BRD10: variants seen among roughly 807,000 people sequenced by gnomAD.
BRD10 encodes uncharacterized bromodomain-containing protein 10.
At chr9:5,880,907 G>A in the BRD10 span, among the ~76,000 whole-genome samples, 1 of 151,980 alleles carries the variant, frequency 6.6e-6, no homozygotes, top group Non-Finnish European at 1.5e-5. Context: ...GTTTCATCAT[G>A]TTGACCAGGC....
At chr9:5,922,313 G>A in the BRD10 span, 1 of 1,613,966 alleles carries the variant, frequency 6.2e-7, no homozygotes, top group East Asian at 2.2e-5. Context: ...GGAGGAAATG[G>A]TCGGTGAAGC....
the BRD10 span, among the ~76,000 whole-genome samples, chr9:5,934,385 G>T: frequency 7.1e-6 from 1 of 139,900 alleles, no homozygotes; most frequent in African/African-American, 2.7e-5. Context: ...TGGAGACAGG[G>T]TCTTGCTCTG....
At chr9:5,897,924 T>C in the BRD10 span, among the ~76,000 whole-genome samples, 2 of 152,204 alleles carry the variant, frequency 1.3e-5, no homozygotes, top group Admixed American at 1.3e-4. Context: ...ATGAAATTCA[T>C]TTGGTTTACA....
chr9:5,939,484 C>T, the BRD10 span, among the ~76,000 whole-genome samples: 2 of 152,146 alleles, frequency 1.3e-5, no homozygotes, highest in African/African-American at 4.8e-5. Context: ...CTTTCTTAAT[C>T]ATCGATGGAA....
At chr9:5,892,196 C>CT in the BRD10 span, among the ~76,000 whole-genome samples, 1 of 152,092 alleles carries the variant, frequency 6.6e-6, no homozygotes, top group East Asian at 1.9e-4. Context: ...ACTTGCAAGT[C>CT]TTTTTTGCTT....
the BRD10 span, among the ~76,000 whole-genome samples, chr9:5,908,217 T>C: frequency 0.19 from 29,633 of 152,204 alleles, 3,084 homozygotes; most frequent in Middle Eastern, 0.31. Flanking sequence ...AATGAAGCCC[T>C]GACACATTTG....
At chr9:5,990,019 T>C in the BRD10 span, among the ~76,000 whole-genome samples, 13 of 152,242 alleles carry the variant, frequency 8.5e-5, no homozygotes, top group Non-Finnish European at 1.5e-5. Flanking sequence ...TTTTCTCTGT[T>C]ATACGGTGAT....
chr9:5,920,875 AG>A, the BRD10 span: 1 of 1,614,018 alleles, frequency 6.2e-7, no homozygotes, highest in Non-Finnish European at 8.5e-7. Context: ...ATATAGCCAC[AG>A]TGTTTCCGAG....
At chr9:5,884,665 C>T in the BRD10 span, among the ~76,000 whole-genome samples, 2 of 152,310 alleles carry the variant, frequency 1.3e-5, no homozygotes, top group African/African-American at 4.8e-5. Flanking sequence ...CCCCACTGTA[C>T]CCTAGACAAG....
chr9:5,920,714 G>C, the BRD10 span: 1 of 1,613,938 alleles, frequency 6.2e-7, no homozygotes. Flanking sequence ...ATGTGGAACT[G>C]TGTTTATTAT....
At chr9:5,914,977 G>A in the BRD10 span, among the ~76,000 whole-genome samples, 7 of 151,838 alleles carry the variant, frequency 4.6e-5, no homozygotes, top group African/African-American at 7.3e-5. Context: ...AGAGAACCCC[G>A]CCAAGCCCAA....
chr9:6,008,310 T>A, the BRD10 span: 1 of 984,374 alleles, frequency 1.0e-6, no homozygotes, highest in African/African-American at 1.8e-5. Flanking sequence ...AAGGAGGCGG[T>A]GCACGGACGG....
the BRD10 span, among the ~76,000 whole-genome samples, chr9:5,931,873 A>T: frequency 6.6e-6 from 1 of 152,156 alleles, no homozygotes; most frequent in Non-Finnish European, 1.5e-5. Flanking sequence ...AGGTTTAAAA[A>T]AGTTGAAAAT....
chr9:5,999,428 C>T, the BRD10 span, among the ~76,000 whole-genome samples: 4 of 152,042 alleles, frequency 2.6e-5, no homozygotes, highest in Non-Finnish European at 5.9e-5. Context: ...ATACTTTTAA[C>T]TCGGAAGTCA....
At chr9:5,915,015 C>T in the BRD10 span, among the ~76,000 whole-genome samples, 81 of 151,964 alleles carry the variant, frequency 5.3e-4, no homozygotes, top group Admixed American at 3.3e-4. Flanking sequence ...CAACAATAAC[C>T]CCCAACTAAA....
the BRD10 span, among the ~76,000 whole-genome samples, chr9:5,948,282 A>C: frequency 1.1e-4 from 16 of 152,202 alleles, no homozygotes; most frequent in Non-Finnish European, 1.2e-4. Flanking sequence ...GAAACCACAG[A>C]ACCCAGGACT....
At chr9:5,992,523 C>T in the BRD10 span, among the ~76,000 whole-genome samples, 1 of 41,874 alleles carries the variant, frequency 2.4e-5, no homozygotes, top group Non-Finnish European at 2.5e-4. Context: ...TAAAATAGCT[C>T]TCCCATTGCA....
the BRD10 span, among the ~76,000 whole-genome samples, chr9:5,916,615 A>G: frequency 3.3e-5 from 5 of 151,656 alleles, no homozygotes; most frequent in Non-Finnish European, 7.4e-5. Context: ...ACAAAGGAAA[A>G]ACTTTTTGTG....
chr9:5,931,711 TTTA>T, the BRD10 span, among the ~76,000 whole-genome samples: 2 of 152,144 alleles, frequency 1.3e-5, no homozygotes, highest in Non-Finnish European at 2.9e-5. Context: ...AACCCAAAAG[TTTA>T]TTATTTTCAC....
Sources: allele counts gnomAD v4.1 joint callset (sites outside exome capture counted in the v4.1 genomes callset), GRCh38; gene constraint gnomAD v4.1.1; transcripts MANE v1.5; gene names NCBI Gene and HGNC (gene_info 2026-07-23, HGNC 2026-07-21).